SLC2A13: variants seen among roughly 807,000 people sequenced by gnomAD.
The protein encoded by SLC2A13 is solute carrier family 2 member 13.
A neutral mutation model predicts 64.4 loss-of-function variants in SLC2A13; 32 were observed. That is an observed-to-expected ratio of 0.50 (90% CI 0.37 to 0.67). The LOEUF is 0.67. Ranked by LOEUF, SLC2A13 falls within the 30% of genes least tolerant of loss-of-function variation. The pLI, the probability that SLC2A13 is intolerant of heterozygous loss-of-function variation, is 0.00. For missense variants in SLC2A13, 743 were observed against 829.2 expected, an observed-to-expected ratio of 0.90 and a Z score of 1.28; for synonymous variants, 338 against 327.1, an observed-to-expected ratio of 1.03 and a Z score of -0.36.
intron 2 of SLC2A13, among the ~76,000 whole-genome samples, chr12:40,038,282 AAGATTTGC>A (rs1220523926): frequency 6.6e-6 from 1 of 152,184 alleles, no homozygotes; most frequent in African/African-American, 2.4e-5. Flanking sequence ...TTAATTTACA[AAGATTTGC>A]AGCTTTTTCT....
intron 3 of SLC2A13, among the ~76,000 whole-genome samples, chr12:40,026,801 C>T (rs1282826561): frequency 6.6e-6 from 1 of 152,108 alleles, no homozygotes; most frequent in African/African-American, 2.4e-5. Flanking sequence ...AATTCATGGC[C>T]AGGTGCGGTG....
chr12:39,860,769 C>A (rs963341918), intron 6 of SLC2A13, among the ~76,000 whole-genome samples: 1 of 152,088 alleles, frequency 6.6e-6, no homozygotes, highest in Admixed American at 6.6e-5. Context: ...ATCTGTCTAC[C>A]TGCTTATCTC....
At chr12:40,102,378 T>C (rs1402706343) in intron 1 of SLC2A13, among the ~76,000 whole-genome samples, 1 of 152,196 alleles carries the variant, frequency 6.6e-6, no homozygotes, top group African/African-American at 2.4e-5. Flanking sequence ...TTTTTGTGGT[T>C]TGAAAAGAAC....
chr12:40,104,873 A>G (rs1395543763), intron 1 of SLC2A13, among the ~76,000 whole-genome samples: 1 of 152,216 alleles, frequency 6.6e-6, no homozygotes, highest in Non-Finnish European at 1.5e-5. Flanking sequence ...GGGACAGTGC[A>G]GGAAAGCAGA....
chr12:39,798,315 A>G (rs1289916476), intron 7 of SLC2A13, among the ~76,000 whole-genome samples: 2 of 152,198 alleles, frequency 1.3e-5, no homozygotes, highest in Non-Finnish European at 2.9e-5. Flanking sequence ...TTTGTGACCC[A>G]GAGAAACTGA....
At chr12:39,866,624 C>T (rs530460075) in intron 5 of SLC2A13, among the ~76,000 whole-genome samples, 4 of 152,150 alleles carry the variant, frequency 2.6e-5, no homozygotes, top group African/African-American at 7.2e-5. Flanking sequence ...GGACTACAGG[C>T]GCCCGCCACC....
At chr12:39,822,822 A>G (rs1453974260) in intron 7 of SLC2A13, among the ~76,000 whole-genome samples, 1 of 152,252 alleles carries the variant, frequency 6.6e-6, no homozygotes, top group Non-Finnish European at 1.5e-5. Context: ...AGTTAAATAT[A>G]TTATGAATAT....
intron 4 of SLC2A13, among the ~76,000 whole-genome samples, chr12:39,894,526 C>A (rs141304477): frequency 1.3e-5 from 2 of 152,310 alleles, no homozygotes; most frequent in East Asian, 1.9e-4. Context: ...TGTCCTCCTG[C>A]TGAATTGATT....
intron 6 of SLC2A13, among the ~76,000 whole-genome samples, chr12:39,845,363 A>C (rs1004355009): frequency 6.6e-6 from 1 of 152,124 alleles, no homozygotes; most frequent in African/African-American, 2.4e-5. Flanking sequence ...CTTGGTAACC[A>C]AATCTGTTTT....
intron 6 of SLC2A13, among the ~76,000 whole-genome samples, chr12:39,858,037 G>C (rs1378877094): frequency 1.3e-5 from 2 of 152,168 alleles, no homozygotes; most frequent in Non-Finnish European, 1.5e-5. Flanking sequence ...GTGGCTAAAA[G>C]CCTAGGCATC....
intron 2 of SLC2A13, among the ~76,000 whole-genome samples, chr12:40,033,206 T>C (rs1259846753): frequency 6.6e-6 from 1 of 152,242 alleles, no homozygotes; most frequent in Non-Finnish European, 1.5e-5. Flanking sequence ...GTCTGGCTCC[T>C]ACAATAAATG....
chr12:40,076,524 A>G (rs1330735189), intron 1 of SLC2A13, among the ~76,000 whole-genome samples: 1 of 152,154 alleles, frequency 6.6e-6, no homozygotes, highest in African/African-American at 2.4e-5. Context: ...TCCATGGTGT[A>G]TATGTACATT....
intron 1 of SLC2A13, among the ~76,000 whole-genome samples, chr12:40,104,880 C>G (rs1939253789): frequency 6.6e-6 from 1 of 152,196 alleles, no homozygotes; most frequent in African/African-American, 2.4e-5. Context: ...TGCAGGAAAG[C>G]AGAGACCCTC....
chr12:39,771,870 T>C (rs181868918), intron 7 of SLC2A13, among the ~76,000 whole-genome samples: 3 of 152,270 alleles, frequency 2.0e-5, no homozygotes, highest in Admixed American at 2.0e-4. Flanking sequence ...TTTATGCAAC[T>C]AAACTAAATT....
chr12:39,769,915 A>C (rs1170184449), intron 7 of SLC2A13, among the ~76,000 whole-genome samples: 1 of 152,096 alleles, frequency 6.6e-6, no homozygotes, highest in Non-Finnish European at 1.5e-5. Flanking sequence ...ATGTGTTCAA[A>C]CAAAAGTCAT....
intron 4 of SLC2A13, among the ~76,000 whole-genome samples, chr12:39,900,942 C>T (rs10877751): frequency 0.95 from 144,852 of 152,214 alleles, 69,334 homozygotes; most frequent in East Asian, 1. Context: ...CAAACTATAC[C>T]ACAAGGCAAC....
chr12:40,003,928 G>A (rs1947362934), intron 3 of SLC2A13, among the ~76,000 whole-genome samples: 1 of 151,780 alleles, frequency 6.6e-6, no homozygotes, highest in Non-Finnish European at 1.5e-5. Context: ...AGGAGGCAGA[G>A]GTTGCAGTGA....
chr12:39,838,756 C>G (rs571025271), intron 6 of SLC2A13, among the ~76,000 whole-genome samples: 1 of 152,124 alleles, frequency 6.6e-6, no homozygotes, highest in African/African-American at 2.4e-5. Flanking sequence ...CTCAGAAAAT[C>G]TTTTAAAAAT....
intron 2 of SLC2A13, among the ~76,000 whole-genome samples, chr12:40,028,924 T>C (rs1450884370): frequency 6.6e-6 from 1 of 152,230 alleles, no homozygotes. Flanking sequence ...CACTTTTCAT[T>C]AAAATAAGTG....
Sources: allele counts gnomAD v4.1 joint callset (sites outside exome capture counted in the v4.1 genomes callset), GRCh38; gene constraint gnomAD v4.1.1; transcripts MANE v1.5; gene names NCBI Gene and HGNC (gene_info 2026-07-23, HGNC 2026-07-21).